Variants in SATL1 observed in about 807,000 individuals in gnomAD.
SATL1 encodes the protein spermidine/spermine N(1)-acetyltransferase-like protein 1.
Under a neutral mutation model 51.8 loss-of-function variants are expected in SATL1, and 47 were observed. The ratio of observed to expected loss-of-function variants is 0.91; its 90% CI spans 0.72 to 1.16. SATL1 has a LOEUF of 1.16. SATL1 is among the 50% of genes most tolerant of loss of function. SATL1 has a pLI of 0.00. For missense variants in SATL1, 520 were observed against 526.4 expected (o/e 0.99, Z 0.12); for synonymous variants, 176 against 182.4 (o/e 0.97, Z 0.28).
At chrX:85,135,772 G>A (rs191566256) in intron 2 of SATL1, among the ~76,000 whole-genome samples, 6 of 102,757 alleles carry the variant, frequency 5.8e-5, no homozygotes, top group African/African-American at 2.2e-4. Context: ...TAGAGATGGG[G>A]TTTCACCATG....
rs773783950 is a variant in SATL1 at position 85,163,015 on chromosome X, T to A, written c.-312-53735A>T. Among the ~76,000 whole-genome samples, 10 of 109,374 alleles carry A rather than the reference T, an allele frequency of 9.1e-5. No homozygotes were observed. In the South Asian group the frequency reaches 2.0e-3, roughly 22 times the overall value. The allele number at this position is 109,374 out of a possible 115,157, so 95.0% of individuals were successfully genotyped here. A position where few individuals can be genotyped will look rare whatever the true frequency, so the allele number is the denominator to read the frequency against. ...GTCTGTAGTTTTCTTTTTTTTTTTT[T>A]ATGTCCTTTCCTGGTTTTGGTATTT... On this transcript the variant is annotated intron_variant, in intron 2 of 7. Coordinates refer to ENST00000644105, the MANE Select transcript of SATL1 (RefSeq NM_001367857.2).
chrX:85,107,360 C>T lies in SATL1; in HGVS notation c.1609G>A (p.Gly537Arg). The T allele has an allele frequency of 8.3e-7, 1 of 1,211,964 alleles. No homozygotes were observed. The highest frequency in any genetic ancestry group is 1.1e-6 in the Non-Finnish European group (1 of 895,415). Residue 537 changes from glycine to arginine, a missense_variant, in exon 3 of 8, where the codon GGA becomes AGA. Transcript: ENST00000644105. ...DYFQIRHAEA[G>R]DCPEILRLIK... ...AGTCGCAAAATTTCTGGGCAGTCTC[C>T]AGCCTCTGCATGTCTTATTTGAAAG...
chrX:85,145,503 T>G (rs1280961147), intron 2 of SATL1, among the ~76,000 whole-genome samples: 1 of 111,740 alleles, frequency 8.9e-6, no homozygotes, highest in Admixed American at 9.6e-5. Context: ...TATACTCTTG[T>G]GAAAGTCCTT....
chrX:85,095,597 C>T (rs866489247), intron 4 of SATL1, among the ~76,000 whole-genome samples: 5 of 54,953 alleles, frequency 9.1e-5, no homozygotes, highest in Non-Finnish European at 1.2e-4. Flanking sequence ...GAGGCCGAGG[C>T]GGGCGGATCA....
At chrX:85,240,913 C>T (rs899311422) in intron 1 of SATL1, among the ~76,000 whole-genome samples, 2 of 110,358 alleles carry the variant, frequency 1.8e-5, no homozygotes, top group African/African-American at 6.6e-5. Flanking sequence ...CGTGAGCCAC[C>T]GCACCTGGCC....
intron 2 of SATL1, among the ~76,000 whole-genome samples, chrX:85,123,997 T>C (rs1227694676): frequency 9.0e-6 from 1 of 111,671 alleles, no homozygotes; most frequent in Non-Finnish European, 1.9e-5. Context: ...GTTGGAAGTA[T>C]ATATTACATT....
intron 2 of SATL1, among the ~76,000 whole-genome samples, chrX:85,201,798 G>A (rs759731081): frequency 3.6e-5 from 4 of 112,000 alleles, no homozygotes; most frequent in Non-Finnish European, 7.5e-5. Flanking sequence ...AAATGACCTC[G>A]TTCTTTTATG....
intron 1 of SATL1, among the ~76,000 whole-genome samples, chrX:85,226,748 A>G (rs773659799): frequency 9.0e-5 from 10 of 110,672 alleles, no homozygotes; most frequent in Non-Finnish European, 1.9e-4. Context: ...ACTTTTCCTC[A>G]GCCACTCTTA....
chrX:85,107,412 C>T lies in SATL1; in HGVS notation c.1557G>A (p.Met519Ile). The change falls in exon 3 of 8, where the codon ATG becomes ATA. Residue 519 changes from methionine (M) to isoleucine (I), a missense_variant. By Grantham distance (10) the Met-to-Ile change is conservative. This residue lies in a region of SATL1 where 488 missense variants were observed against 474.3 expected (regional missense o/e 1.03). Transcript: ENST00000644105. ...AATCCATGCTTGTTTGCCTCATGCC[C>T]ATTTGGCTCACACTTGGTTGGCTCC... Reference protein sequence around the residue: ...PGRSQPSVSQMGMRQTSMDYF... With the variant: ...PGRSQPSVSQIGMRQTSMDYF... The T allele has an allele frequency of 8.2e-7, 1 of 1,212,143 alleles. No individual in the cohort carries two copies. The highest frequency in any genetic ancestry group is 1.1e-6 in the Non-Finnish European group (1 of 895,412).
At chrX:85,094,106 A>C (rs1313191417) in intron 6 of SATL1, 22 bp downstream of exon 6, 1 of 823,201 alleles carries the variant, frequency 1.2e-6, no homozygotes, top group African/African-American at 2.0e-5. Flanking sequence ...TTTAAAAGTA[A>C]TATCATAAAT....
intron 3 of SATL1, among the ~76,000 whole-genome samples, chrX:85,104,844 AG>A (rs1924996916): frequency 8.9e-6 from 1 of 111,790 alleles, no homozygotes; most frequent in Admixed American, 9.6e-5. Flanking sequence ...ACAAGAAAAA[AG>A]TCTGTACATG....
intron 2 of SATL1, among the ~76,000 whole-genome samples, chrX:85,179,045 G>A (rs1187413850): frequency 1.8e-5 from 2 of 112,102 alleles, no homozygotes; most frequent in East Asian, 2.8e-4. Flanking sequence ...AATCTGTGCT[G>A]TACAGGATGT....
intron 2 of SATL1, among the ~76,000 whole-genome samples, chrX:85,186,303 G>A (rs1279122911): frequency 9.2e-6 from 1 of 108,212 alleles, no homozygotes; most frequent in Non-Finnish European, 1.9e-5. Context: ...TGAGCTGCCT[G>A]GTGTTGGGGA....
chrX:85,126,102 A>AG (rs1345145288), intron 2 of SATL1, among the ~76,000 whole-genome samples: 22 of 110,848 alleles, frequency 2.0e-4, no homozygotes, highest in African/African-American at 7.2e-4. Flanking sequence ...GGATAAATGC[A>AG]AACCACAATA....
At chrX:85,190,144 G>A (rs893232412) in intron 2 of SATL1, among the ~76,000 whole-genome samples, 1 of 111,838 alleles carries the variant, frequency 8.9e-6, no homozygotes, top group Non-Finnish European at 1.9e-5. Context: ...ACAAAATAAT[G>A]TAGGCTATAG....
intron 2 of SATL1, among the ~76,000 whole-genome samples, chrX:85,175,710 T>TA (rs933782608): frequency 1.8e-5 from 2 of 110,378 alleles, no homozygotes; most frequent in East Asian, 2.8e-4. Flanking sequence ...CCCCTTGGCT[T>TA]AAAAAAAATG....
chrX:85,223,215 T>C (rs996351005), intron 2 of SATL1, among the ~76,000 whole-genome samples: 7 of 111,891 alleles, frequency 6.3e-5, no homozygotes, highest in Admixed American at 5.7e-4. Flanking sequence ...CTGGTTGAGA[T>C]ACTGTCACAG....
intron 2 of SATL1, chrX:85,156,521 C>T (rs112448907): frequency 9.1e-6 from 1 of 110,146 alleles, no homozygotes; most frequent in African/African-American, 3.3e-5. Flanking sequence ...AAGAAGTAGT[C>T]AGAGACAACA....
chrX:85,219,061 AC>A (rs1928116703), intron 2 of SATL1: 1 of 112,024 alleles, frequency 8.9e-6, no homozygotes, highest in East Asian at 2.8e-4. Flanking sequence ...GTTTTTCTAC[AC>A]CAGGAGTTCC....
Sources: allele counts gnomAD v4.1 joint callset (sites outside exome capture counted in the v4.1 genomes callset), GRCh38; gene constraint gnomAD v4.1.1; regional missense constraint gnomAD v4.1.1; transcripts MANE v1.5; gene names NCBI Gene and HGNC (gene_info 2026-07-23, HGNC 2026-07-21).